Variants in SORCS3 observed in about 807,000 individuals in gnomAD.
SORCS3 encodes sortilin related VPS10 domain containing receptor 3, also known as VPS10 domain-containing receptor SorCS3.
SORCS3 carries 57 observed loss-of-function variants against 146.3 expected under a neutral mutation model. That is an observed-to-expected ratio of 0.39 (90% CI 0.31 to 0.49). SORCS3 has a LOEUF of 0.49. Among genes scored for constraint, SORCS3 ranks in the 20% least tolerant of loss-of-function variants. The pLI, the probability that SORCS3 is intolerant of heterozygous loss-of-function variation, is 0.92. For missense variants in SORCS3, 1,341 were observed against 1,575.5 expected, an observed-to-expected ratio of 0.85 and a Z score of 2.52; for synonymous variants, 653 against 618.5, an observed-to-expected ratio of 1.06 and a Z score of -0.83.
At chr10:104,680,989 C>A (rs2015965874) in intron 1 of SORCS3, among the ~76,000 whole-genome samples, 1 of 152,240 alleles carries the variant, frequency 6.6e-6, no homozygotes, top group Admixed American at 6.5e-5. Flanking sequence ...GGCGCCAGGG[C>A]AGAGAGCAAA....
At chr10:104,911,673 G>T (rs2018969436) in intron 2 of SORCS3, among the ~76,000 whole-genome samples, 1 of 152,180 alleles carries the variant, frequency 6.6e-6, no homozygotes, top group Non-Finnish European at 1.5e-5. Flanking sequence ...GGGACCTTAG[G>T]ATTATGTAAG....
At chr10:105,131,551 C>G (rs550270280) in intron 7 of SORCS3, among the ~76,000 whole-genome samples, 1 of 152,264 alleles carries the variant, frequency 6.6e-6, no homozygotes, top group African/African-American at 2.4e-5. Flanking sequence ...TTGATAGGAA[C>G]CCTCACATAG....
In SORCS3 at chr10:105,147,710, A is replaced by C. The variant is rs1281168570; in HGVS notation, c.1396A>C (p.Thr466Pro). The C allele has an allele frequency of 6.2e-7, 1 of 1,613,012 alleles. No individual in the cohort carries two copies. The highest frequency in any genetic ancestry group is 2.2e-5 in the East Asian group (1 of 44,840). Residue 466 changes from threonine (T) to proline (P), a missense_variant, in exon 9 of 27, where the codon ACG becomes CCG. Transcript: ENST00000369701. Reference protein sequence around the residue: ...NDTYNLYISDTRGIYFTLAME... With the variant: ...NDTYNLYISDPRGIYFTLAME... ...CACGTACAACCTCTACATCTCAGACACGCGTGGGATTTACTTCACTCTGGC... is the reference window on the plus strand; with the variant it reads ...CACGTACAACCTCTACATCTCAGACCCGCGTGGGATTTACTTCACTCTGGC...
chr10:105,204,807 G>C (rs2056592909), intron 16 of SORCS3, among the ~76,000 whole-genome samples: 1 of 152,034 alleles, frequency 6.6e-6, no homozygotes, highest in Admixed American at 6.5e-5. Context: ...GTGATTTTTG[G>C]GGGGACAATG....
chr10:104,896,099 T>C (rs978306277), intron 2 of SORCS3, among the ~76,000 whole-genome samples: 1 of 152,180 alleles, frequency 6.6e-6, no homozygotes, highest in South Asian at 2.1e-4. Context: ...CCATTTGTTT[T>C]TTATTACTGC....
chr10:104,721,612 T>A (rs933618305), intron 1 of SORCS3, among the ~76,000 whole-genome samples: 1 of 152,224 alleles, frequency 6.6e-6, no homozygotes, highest in African/African-American at 2.4e-5. Flanking sequence ...CCCATGAGCA[T>A]GGAATGTTCT....
At chr10:104,929,267 G>C (rs1284164639) in intron 3 of SORCS3, among the ~76,000 whole-genome samples, 2 of 152,288 alleles carry the variant, frequency 1.3e-5, no homozygotes, top group South Asian at 2.1e-4. Flanking sequence ...ACCTGGCAGA[G>C]AGTAGGTATG....
intron 13 of SORCS3, among the ~76,000 whole-genome samples, chr10:105,176,638 G>A (rs751619595): frequency 6.6e-6 from 1 of 151,928 alleles, no homozygotes; most frequent in South Asian, 2.1e-4. Flanking sequence ...GGTGGGTTAC[G>A]AGGCCAGAAG....
intron 5 of SORCS3, among the ~76,000 whole-genome samples, chr10:105,053,485 G>A (rs935668147): frequency 2.6e-5 from 4 of 151,464 alleles, no homozygotes; most frequent in African/African-American, 4.9e-5. Flanking sequence ...ATCATTCAAG[G>A]GAAGGCAAGA....
chr10:105,113,994 TA>T (rs2055876259), intron 7 of SORCS3, among the ~76,000 whole-genome samples: 1 of 152,152 alleles, frequency 6.6e-6, no homozygotes, highest in Non-Finnish European at 1.5e-5. Flanking sequence ...CTTTTCTCCT[TA>T]TGGAGTAGCG....
At chr10:104,822,538 A>G (rs1282006704) in intron 1 of SORCS3, among the ~76,000 whole-genome samples, 1 of 152,112 alleles carries the variant, frequency 6.6e-6, no homozygotes, top group African/African-American at 2.4e-5. Context: ...CAGCCGCTGG[A>G]GGTTCTGCTC....
At chr10:104,852,129 A>T (rs2018280021) in intron 2 of SORCS3, among the ~76,000 whole-genome samples, 1 of 152,190 alleles carries the variant, frequency 6.6e-6, no homozygotes, top group Non-Finnish European at 1.5e-5. Context: ...AAACTTGTAT[A>T]CTATTTTTAG....
intron 26 of SORCS3, 145 bp from the exon 27 acceptor site, chr10:105,263,165 A>G: frequency 1.4e-5 from 9 of 657,314 alleles, no homozygotes; most frequent in Non-Finnish European, 2.4e-5. Flanking sequence ...GTGAGCTGAT[A>G]GGTAACGATA....
chr10:105,195,742 G>A (rs756769420), intron 14 of SORCS3, among the ~76,000 whole-genome samples: 3 of 152,188 alleles, frequency 2.0e-5, no homozygotes, highest in Middle Eastern at 3.2e-3. Context: ...TGGGTGGATC[G>A]ATGTGGAATA....
At chr10:104,968,166 A>G (rs1361602270) in intron 3 of SORCS3, among the ~76,000 whole-genome samples, 2 of 152,094 alleles carry the variant, frequency 1.3e-5, no homozygotes. Flanking sequence ...CCCAAGCTGG[A>G]GTGTAATGGT....
intron 16 of SORCS3, among the ~76,000 whole-genome samples, chr10:105,207,650 T>A (rs1409642925): frequency 6.6e-6 from 1 of 152,170 alleles, no homozygotes; most frequent in Non-Finnish European, 1.5e-5. Context: ...TTGAGCTGTA[T>A]GAGATATTTT....
intron 1 of SORCS3, among the ~76,000 whole-genome samples, chr10:104,650,146 A>G (rs2015540775): frequency 6.6e-6 from 1 of 152,178 alleles, no homozygotes; most frequent in Non-Finnish European, 1.5e-5. Context: ...GTTCCCCAGA[A>G]TTATCACACT....
chr10:104,907,260 G>T (rs79304116), intron 2 of SORCS3, among the ~76,000 whole-genome samples: 5,820 of 152,112 alleles, frequency 0.038, 153 homozygotes, highest in East Asian at 0.14. Context: ...GGGCCTGTTT[G>T]TGCACTTTCT....
intron 1 of SORCS3, among the ~76,000 whole-genome samples, chr10:104,841,092 C>A (rs1218430503): frequency 6.6e-6 from 1 of 152,034 alleles, no homozygotes; most frequent in Non-Finnish European, 1.5e-5. Flanking sequence ...TATACTGATT[C>A]AACAAACAGA....
Sources: gnomAD v4.1 joint callset for allele counts (sites outside exome capture counted in the v4.1 genomes callset) on GRCh38, gnomAD v4.1.1 for gene constraint, MANE v1.5 for transcripts, NCBI Gene and HGNC (gene_info 2026-07-23, HGNC 2026-07-21) for gene names.